The following TRPM4 variants were observed in gnomAD, a reference collection of about 807,000 sequenced individuals.
TRPM4 encodes transient receptor potential cation channel subfamily M member 4, also known as calcium-activated non-selective cation channel 1.
Under a neutral mutation model 135.6 loss-of-function variants are expected in TRPM4, and 124 were observed. The observed-to-expected ratio is 0.91, with a 90% CI of 0.79 to 1.06. TRPM4 has a LOEUF of 1.06. Ranked by LOEUF, TRPM4 falls within the 50% of genes least tolerant of loss-of-function variation. TRPM4 has a pLI of 0.00. For synonymous variants in TRPM4, 745 were observed against 705.6 expected (o/e 1.06, Z -0.88); for missense variants, 1,658 against 1,671.4 (o/e 0.99, Z 0.14).
At chr19:49,208,974 A>G (rs1363323200) in intron 20 of TRPM4, among the ~76,000 whole-genome samples, 3 of 151,252 alleles carry the variant, frequency 2.0e-5, no homozygotes, top group Non-Finnish European at 4.4e-5. Flanking sequence ...AAAAAAAAAA[A>G]TCGTGAAGTG....
chr19:49,211,275 T>C lies in TRPM4; in HGVS notation c.3640+6T>C. ...TGACCTGCCTGGGTCCAAAGGTCAG[T>C]GTGTAGCATCAGCCTGTGCATCTCC... On this transcript the variant is annotated splice_donor_region_variant and intron_variant, in intron 24 of 24. Transcript: ENST00000252826. This position sits in a 1 kb window ranked among gnomAD's most constrained non-coding sequence, Gnocchi z 4.8. 1 of 1,578,922 alleles carries C rather than the reference T, an allele frequency of 6.3e-7. No homozygotes were observed. The highest frequency in any genetic ancestry group is 8.6e-7 in the Non-Finnish European group (1 of 1,163,334).
intron 14 of TRPM4, among the ~76,000 whole-genome samples, 156 bp from the exon 15 acceptor site, chr19:49,190,052 C>G (rs986547979): frequency 6.6e-6 from 1 of 152,174 alleles, no homozygotes; most frequent in East Asian, 1.9e-4. Context: ...CCTAAGTTGT[C>G]TTTGCCTTTC....
chr19:49,172,916 C>CCATG (rs1967525700), intron 9 of TRPM4, among the ~76,000 whole-genome samples: 1 of 148,790 alleles, frequency 6.7e-6, no homozygotes, highest in South Asian at 2.1e-4. Flanking sequence ...CTCCATCCGT[C>CCATG]TTCTCACCTG....
chr19:49,179,749 G>A lies in TRPM4; in HGVS notation c.1151-1600G>A, dbSNP rs376200761. On this transcript the variant is annotated intron_variant, in intron 9 of 24. Transcript: ENST00000252826. Reference sequence around the variant, plus strand: ...ATCGTAGAAAGTCGTGGAAAAGTCCGCTCTGAATGGACGTCTGGGTTTTGA... The same window carrying A: ...ATCGTAGAAAGTCGTGGAAAAGTCCACTCTGAATGGACGTCTGGGTTTTGA... 7.9e-5 allele frequency among the ~76,000 whole-genome samples: 12 copies of A among 152,304 alleles called. No homozygotes were observed. In the East Asian group the frequency reaches 2.1e-3, roughly 27 times the overall value.
chr19:49,206,645 G>C (rs1969164397), intron 20 of TRPM4, among the ~76,000 whole-genome samples: 1 of 151,734 alleles, frequency 6.6e-6, no homozygotes, highest in South Asian at 2.1e-4. Context: ...CTCCATGTTG[G>C]TCAGGCTGGT....
At chr19:49,180,893 CCCATCCATCCATCCTTCTATCTGT>C (rs1967894052) in intron 9 of TRPM4, among the ~76,000 whole-genome samples, 2 of 151,940 alleles carry the variant, frequency 1.3e-5, no homozygotes, top group Non-Finnish European at 2.9e-5. Context: ...ATTTATCCAT[CCCATCCATCCATCCTTCTATCTGT>C]CCATCCATCC....
chr19:49,182,789 A>G lies in TRPM4; in HGVS notation c.1475A>G (p.Lys492Arg), dbSNP rs1236428733. The G allele has an allele frequency of 2.5e-6, 4 of 1,577,728 alleles. No individual in the cohort carries two copies. Among genetic ancestry groups the G allele is most frequent in the African/African-American group, 1.3e-5 (1 of 74,632 alleles). ...HSAGTKAPAL[K>R]GGAAELRPPD... The stretch of plus-strand genomic sequence containing the variant: ...GCAGGCACCAAAGCCCCAGCCCTAA[A>G]AGGGGGAGCTGCGGAGCTCCGGCCC... Residue 492 changes from lysine to arginine, a missense_variant, in exon 11 of 25, where the codon AAA (lysine) becomes AGA (arginine). Lys to Arg is a conservative substitution (Grantham distance 26). Around this residue, in one of 3 missense-constraint regions of TRPM4, gnomAD observed 1,412 missense variants for 1,408.7 expected, o/e 1.00. Coordinates refer to ENST00000252826, the MANE Select transcript of TRPM4 (RefSeq NM_017636.4).
chr19:49,190,300 C>T lies in TRPM4; in HGVS notation c.2112C>T (p.Tyr704=). 1.9e-6 allele frequency: 3 copies of T among 1,612,360 alleles called. No homozygotes were observed. The highest frequency in any genetic ancestry group is 2.5e-6 in the Non-Finnish European group (3 of 1,178,474). The stretch of plus-strand genomic sequence containing the variant: ...CCTTCTTTTGCCCTCCACTCATCTA[C>T]ACCCGCCTCATCACCTTCAGGTCAG... ...VLAFFCPPLI[Y]TRLITFRKSE... is the part of the protein sequence containing the mutation. Residue 704 remains tyrosine (Y), a synonymous_variant, in exon 15 of 25, where the codon TAC becomes TAT. Coordinates refer to ENST00000252826, the MANE Select transcript of TRPM4 (RefSeq NM_017636.4).
Position 49,211,697 on chromosome 19 carries a change from C to G in TRPM4, c.*199C>G. On this transcript the variant is annotated 3_prime_UTR_variant, in exon 25 of 25. Transcript: ENST00000252826. The surrounding 1 kb of genome is among the most constrained non-coding windows in gnomAD (Gnocchi z 4.8). ...ATGCCCGGCTCCTCCCAGAACCAGTCCCAGCCTGGGAGGATCAAGGCCTGG... is the reference window on the plus strand; with the variant it reads ...ATGCCCGGCTCCTCCCAGAACCAGTGCCAGCCTGGGAGGATCAAGGCCTGG... 1 of 713,492 alleles carries G rather than the reference C, an allele frequency of 1.4e-6. No homozygotes were observed. Among genetic ancestry groups the G allele is most frequent in the Non-Finnish European group, 2.4e-6 (1 of 412,470 alleles). 44.2% of individuals were successfully genotyped at this position (713,492 alleles called of 1,614,324 possible).
intron 10 of TRPM4, 78 bp downstream of exon 10, chr19:49,181,539 T>C: frequency 5.9e-6 from 6 of 1,010,954 alleles, no homozygotes; most frequent in Admixed American, 2.4e-5. Flanking sequence ...TCTTTTTTTT[T>C]TTTTTTTTTT....
At chr19:49,175,221 A>G (rs963843347) in intron 9 of TRPM4, among the ~76,000 whole-genome samples, 2 of 151,838 alleles carry the variant, frequency 1.3e-5, no homozygotes, top group African/African-American at 2.4e-5. Flanking sequence ...GATTACAGGC[A>G]TGCGCCACCA....
Position 49,197,306 on chromosome 19 carries a change from C to T in TRPM4, c.2645+432C>T, listed in dbSNP as rs946613590. 6.8e-4 allele frequency among the ~76,000 whole-genome samples: 85 copies of T among 125,548 alleles called. 1 individual carries two copies. The highest frequency in any genetic ancestry group is 2.1e-3 in the African/African-American group (73 of 34,198). 82.4% of individuals were successfully genotyped at this position (125,548 alleles called of 152,430 possible). ...TTTCTTTCTTTCTTTCTCTTTCTTT[C>T]TTTTTCTTTCTTTCTTTCTTTCTTT... On this transcript the variant is annotated intron_variant, in intron 17 of 24. Coordinates refer to ENST00000252826, the MANE Select transcript of TRPM4 (RefSeq NM_017636.4).
At chr19:49,204,454 G>T (rs1293014605) in intron 20 of TRPM4, among the ~76,000 whole-genome samples, 1 of 152,024 alleles carries the variant, frequency 6.6e-6, no homozygotes, top group African/African-American at 2.4e-5. Flanking sequence ...TAGTCATCCA[G>T]CTGGGTGTAG....
At chr19:49,201,700 C>T (rs553368946) in intron 19 of TRPM4, among the ~76,000 whole-genome samples, 1 of 152,160 alleles carries the variant, frequency 6.6e-6, no homozygotes, top group Non-Finnish European at 1.5e-5. Flanking sequence ...CAGATCGAAG[C>T]GATTCTCCTA....
intron 1 of TRPM4, 136 bp downstream of exon 1, chr19:49,158,026 C>T: frequency 7.8e-7 from 1 of 1,288,988 alleles, no homozygotes. Context: ...GTTCCAGGGT[C>T]CAGGGCATGG....
chr19:49,197,805 C>G (rs979690283), intron 17 of TRPM4, among the ~76,000 whole-genome samples: 1 of 151,818 alleles, frequency 6.6e-6, no homozygotes, highest in Non-Finnish European at 1.5e-5. Flanking sequence ...GCCTCAGCCT[C>G]GTGAGTAGCT....
intron 9 of TRPM4, among the ~76,000 whole-genome samples, chr19:49,176,881 G>C (rs1568466280): frequency 6.6e-6 from 1 of 152,024 alleles, no homozygotes; most frequent in South Asian, 2.1e-4. Flanking sequence ...AAACAAACCA[G>C]CTTGGCCCTT....
intron 1 of TRPM4, 138 bp downstream of exon 1, chr19:49,158,028 A>G (rs1388975590): frequency 7.8e-7 from 1 of 1,284,168 alleles, no homozygotes; most frequent in Non-Finnish European, 1.1e-6. Context: ...TCCAGGGTCC[A>G]GGGCATGGGG....
chr19:49,211,173 T>C lies in TRPM4; in HGVS notation c.3544T>C (p.Cys1182Arg). 1 of 1,605,654 alleles carries C rather than the reference T, an allele frequency of 6.2e-7. No individual in the cohort carries two copies. Among genetic ancestry groups the C allele is most frequent in the African/African-American group, 1.3e-5 (1 of 74,918 alleles). ...LKVLEREVQQCSRVLGWVAEA... is the reference protein window; with the variant it reads ...LKVLEREVQQRSRVLGWVAEA... Reference sequence around the variant, plus strand: ...TCCTCCCATTCCGCAGGTCCAGCAGTGTAGCCGCGTCCTGGGGTGGGTGGC... The same window carrying C: ...TCCTCCCATTCCGCAGGTCCAGCAGCGTAGCCGCGTCCTGGGGTGGGTGGC... The change falls in exon 24 of 25, where the codon TGT becomes CGT. Residue 1182 changes from cysteine to arginine, a missense_variant. By Grantham distance (180) the Cys-to-Arg change is radical (BLOSUM62 -3). This residue lies in a region of TRPM4 where 1,412 missense variants were observed against 1,408.7 expected (regional missense o/e 1.00). Transcript: ENST00000252826. This position sits in a 1 kb window ranked among gnomAD's most constrained non-coding sequence, Gnocchi z 4.8.
Sources: gnomAD v4.1 joint callset for allele counts (sites outside exome capture counted in the v4.1 genomes callset) on GRCh38, gnomAD v4.1.1 for gene constraint, gnomAD v4.1.1 regional missense constraint, Gnocchi (gnomAD v3.1) non-coding constraint, MANE v1.5 for transcripts, NCBI Gene and HGNC (gene_info 2026-07-23, HGNC 2026-07-21) for gene names.